KLRD1: variants seen among roughly 807,000 people sequenced by gnomAD.
KLRD1 encodes killer cell lectin like receptor D1.
In KLRD1, 21 loss-of-function variants were observed where a neutral mutation model predicts 22.6. That is an observed-to-expected ratio of 0.93 (90% CI 0.66 to 1.34). KLRD1 has a LOEUF of 1.34. Among genes scored for constraint, KLRD1 ranks in the 40% most tolerant of loss-of-function variants. The pLI is 0.00. For synonymous variants in KLRD1, 59 were observed against 71.1 expected (o/e 0.83, Z 0.85); for missense variants, 183 against 208.6 (o/e 0.88, Z 0.76).
At chr12:10,269,933 AT>A (rs1949534112) in intron 1 of KLRD1, among the ~76,000 whole-genome samples, 1 of 152,112 alleles carries the variant, frequency 6.6e-6, no homozygotes, top group African/African-American at 2.4e-5. Flanking sequence ...TTTTTTGATG[AT>A]TCTGTACCTA....
chr12:10,295,062 G>C (rs74060322), intron 1 of KLRD1, among the ~76,000 whole-genome samples: 2,393 of 152,268 alleles, frequency 0.016, 54 homozygotes, highest in African/African-American at 0.054. Context: ...TTACAAGAGT[G>C]CTGCCTCTCA....
chr12:10,241,234 C>T (rs757099777), intron 1 of KLRD1, among the ~76,000 whole-genome samples: 5 of 152,168 alleles, frequency 3.3e-5, no homozygotes, highest in Middle Eastern at 3.4e-3. Flanking sequence ...TCATAAATAG[C>T]GACTTCACCT....
In KLRD1 at chr12:10,256,118, A is replaced by T. The variant is rs1324630841; in HGVS notation, c.-101+29885A>T. ...ATATACATTTACTTTATCTGACATT[A>T]GTATGGCCATCCCAATTTCTTTTGG... On this transcript the variant is annotated intron_variant, in intron 1 of 5. Coordinates refer to the KLRD1 transcript ENST00000544747. Among the ~76,000 whole-genome samples, 5 of 152,120 alleles carry T rather than the reference A, an allele frequency of 3.3e-5. No homozygotes were observed. In the East Asian group the frequency reaches 9.6e-4, roughly 29 times the overall value.
chr12:10,301,173 T>C (rs749735127), upstream of KLRD1, among the ~76,000 whole-genome samples: 8 of 152,252 alleles, frequency 5.3e-5, no homozygotes, highest in Non-Finnish European at 1.0e-4. Flanking sequence ...AGCCAGCTTG[T>C]CCTTTGACTC....
Position 10,318,623 on chromosome 12 carries a change from A to C in KLRD1, c.*3830A>C, listed in dbSNP as rs1950278080. ...CACTTTGGGAGGCTGAGGCGGGTGGATCACGAGGTCAGGAGATTGAGACCA... is the reference window on the plus strand; with the variant it reads ...CACTTTGGGAGGCTGAGGCGGGTGGCTCACGAGGTCAGGAGATTGAGACCA... On this transcript the variant is annotated 3_prime_UTR_variant, in exon 6 of 6. Transcript: ENST00000336164. 1 of 152,154 alleles carries C rather than the reference A, an allele frequency of 6.6e-6. No individual in the cohort carries two copies. Among genetic ancestry groups the C allele is most frequent in the African/African-American group, 2.4e-5 (1 of 41,432 alleles). 9.4% of individuals were successfully genotyped at this position (152,154 alleles called of 1,614,324 possible). A position where few individuals can be genotyped will look rare whatever the true frequency, so the allele number is the denominator to read the frequency against.
chr12:10,283,982 C>T (rs1297010432), intron 1 of KLRD1, among the ~76,000 whole-genome samples: 2 of 149,882 alleles, frequency 1.3e-5, no homozygotes, highest in Non-Finnish European at 1.5e-5. Flanking sequence ...TCAAGACCAG[C>T]CTGGCCAACA....
chr12:10,310,393 A>G (rs1289990661), intron 3 of KLRD1, among the ~76,000 whole-genome samples: 2 of 152,174 alleles, frequency 1.3e-5, no homozygotes, highest in African/African-American at 2.4e-5. Context: ...TGTTGGGATT[A>G]TGCCGTACCC....
rs1950382065 is a variant in KLRD1, at chr12:10,328,618, A to G, written c.*13825A>G. On this transcript the variant is annotated 3_prime_UTR_variant, in exon 6 of 6. Coordinates refer to ENST00000336164, the MANE Select transcript of KLRD1 (RefSeq NM_002262.5). ...ACTCTTAGTTTTGTTTACTTTTTAT[A>G]TATCCTTTCCATTCACTATTTTATT... The G allele has an allele frequency of 6.6e-6, 1 of 152,088 alleles. No individual in the cohort carries two copies. The allele number at this position is 152,088 out of a possible 1,614,324, so 9.4% of individuals were successfully genotyped here. A position where few individuals can be genotyped will look rare whatever the true frequency, so the allele number is the denominator to read the frequency against.
intron 1 of KLRD1, among the ~76,000 whole-genome samples, chr12:10,283,873 C>T (rs984976461): frequency 6.6e-6 from 1 of 152,060 alleles, no homozygotes; most frequent in Non-Finnish European, 1.5e-5. Context: ...TTCTCATACT[C>T]AATCAAAAGT....
rs560342505 is a variant in KLRD1, at chr12:10,310,360, T to C, written c.163+672T>C. Among the ~76,000 whole-genome samples, 9 of 152,322 alleles carry C rather than the reference T, an allele frequency of 5.9e-5. 1 individual carries two copies. Among genetic ancestry groups the C allele is most frequent in the African/African-American group, 1.9e-4 (8 of 41,578 alleles). The stretch of plus-strand genomic sequence containing the variant: ...GTCTCGAACTCCTGACCTCAGGTCA[T>C]CCACCTGCCTCGGCTTCCAAAGTGT... On this transcript the variant is annotated intron_variant, in intron 3 of 5. Transcript: ENST00000336164.
At chr12:10,287,802 G>A (rs11830753) in intron 1 of KLRD1, among the ~76,000 whole-genome samples, 5,082 of 152,252 alleles carry the variant, frequency 0.033, 292 homozygotes, top group African/African-American at 0.12. Context: ...AGGCGCAGTG[G>A]CTCATGCCTG....
At chr12:10,274,979 C>T (rs1949580034) in intron 1 of KLRD1, among the ~76,000 whole-genome samples, 1 of 152,082 alleles carries the variant, frequency 6.6e-6, no homozygotes, top group Non-Finnish European at 1.5e-5. Context: ...CAACCTCCAC[C>T]TCCCAGGTTC....
Position 10,327,686 on chromosome 12 carries a change from T to G in KLRD1, c.*12893T>G, listed in dbSNP as rs1950373387. ...TAATTTCTTTTCCTTGCCTAAGAGC[T>G]TTAAGTAGGACAAGGGTTAAATAGA... On this transcript the variant is annotated 3_prime_UTR_variant, in exon 6 of 6. Transcript: ENST00000336164. 1 of 152,182 alleles carries G rather than the reference T, an allele frequency of 6.6e-6. No homozygotes were observed. Among genetic ancestry groups the G allele is most frequent in the South Asian group, 2.1e-4 (1 of 4,830 alleles). 9.4% of individuals were successfully genotyped at this position (152,182 alleles called of 1,614,324 possible).
intron 1 of KLRD1, among the ~76,000 whole-genome samples, chr12:10,290,528 G>A (rs540778760): frequency 6.6e-6 from 1 of 152,194 alleles, no homozygotes; most frequent in South Asian, 2.1e-4. Context: ...AGAAAGCATT[G>A]GACATAATAG....
chr12:10,243,188 A>T (rs1308537571), intron 1 of KLRD1, among the ~76,000 whole-genome samples: 2 of 152,170 alleles, frequency 1.3e-5, no homozygotes, highest in Non-Finnish European at 2.9e-5. Context: ...AGCTTTTGAG[A>T]TCTATTGCAC....
rs181211887 is a variant in KLRD1 at position 10,240,691 on chromosome 12, G to A, written c.-101+14458G>A. ...CCATCACCCAGCTTCAACAAGCATC[G>A]ACTCACTCTCCAATCAAGGTGAAAT... On this transcript the variant is annotated intron_variant, in intron 1 of 5. Coordinates refer to the KLRD1 transcript ENST00000544747. Among the ~76,000 whole-genome samples, 316 of 152,176 alleles carry A rather than the reference G, an allele frequency of 2.1e-3. 3 individuals carry two copies. The highest frequency in any genetic ancestry group is 7.3e-3 in the African/African-American group (303 of 41,508).
intron 1 of KLRD1, among the ~76,000 whole-genome samples, chr12:10,253,545 C>CT (rs1565448650): frequency 1.5e-5 from 2 of 136,300 alleles, no homozygotes; most frequent in African/African-American, 5.1e-5. Context: ...CAATAGATAC[C>CT]TTTTCTGCTC....
At position 10,314,986 on chromosome 12, in the gene KLRD1, G is replaced by T; in HGVS notation, c.*193G>T. 2.4e-6 allele frequency: 1 copy of T among 425,272 alleles called. No homozygotes were observed. The highest frequency in any genetic ancestry group is 4.1e-6 in the Non-Finnish European group (1 of 245,034). 26.3% of individuals were successfully genotyped at this position (425,272 alleles called of 1,614,324 possible). ...ATGAAATTCGTTCACCTACATTTGA[G>T]AATTATAAAATTAACATAAAGAATT... is the stretch of plus-strand genomic sequence containing the variant. On this transcript the variant is annotated 3_prime_UTR_variant, in exon 6 of 6. Transcript: ENST00000336164.
intron 1 of KLRD1, among the ~76,000 whole-genome samples, chr12:10,285,982 G>T (rs1181702293): frequency 6.6e-6 from 1 of 152,084 alleles, no homozygotes; most frequent in East Asian, 1.9e-4. Context: ...CAGGTAAATT[G>T]CTTCAACTCC....
Sources: gnomAD v4.1 joint callset for allele counts (sites outside exome capture counted in the v4.1 genomes callset) on GRCh38, gnomAD v4.1.1 for gene constraint, MANE v1.5 for transcripts, NCBI Gene and HGNC (gene_info 2026-07-23, HGNC 2026-07-21) for gene names.